The following MAMDC2 variants were observed in gnomAD, a reference collection of about 807,000 sequenced individuals.
MAMDC2 encodes MAM domain-containing protein 2.
MAMDC2 carries 57 observed loss-of-function variants against 89.8 expected under a neutral mutation model. The observed-to-expected ratio is 0.63, with a 90% CI of 0.51 to 0.79. The LOEUF (loss-of-function observed/expected upper bound fraction) is 0.79, where lower values mean the gene tolerates loss of function less well. Ranked by LOEUF, MAMDC2 falls within the 30% of genes least tolerant of loss-of-function variation. MAMDC2 has a pLI of 0.00. For synonymous variants in MAMDC2, 313 were observed against 293.4 expected, an observed-to-expected ratio of 1.07 and a Z score of -0.68; for missense variants, 800 against 820.6, an observed-to-expected ratio of 0.97 and a Z score of 0.31.
chr9:70,204,776 C>A (rs550044044), intron 11 of MAMDC2, among the ~76,000 whole-genome samples: 16 of 152,190 alleles, frequency 1.1e-4, no homozygotes, highest in African/African-American at 3.1e-4. Context: ...TTTTTTAAGC[C>A]GGTCTGAAAA....
intron 10 of MAMDC2, chr9:70,170,265 A>T (rs1285640122): frequency 1.2e-5 from 5 of 431,210 alleles, no homozygotes; most frequent in Admixed American, 4.2e-5. Flanking sequence ...AGATCTGTAT[A>T]TCTGATTGTT....
At chr9:70,073,144 A>G (rs1041244975) in intron 2 of MAMDC2, among the ~76,000 whole-genome samples, 1 of 152,216 alleles carries the variant, frequency 6.6e-6, no homozygotes, top group African/African-American at 2.4e-5. Flanking sequence ...TATTATTTCT[A>G]TTTAAGATGC....
intron 2 of MAMDC2, chr9:70,083,787 G>C (rs759167296): frequency 1.3e-5 from 2 of 150,762 alleles, no homozygotes; most frequent in Non-Finnish European, 2.9e-5. Context: ...ATGCCCTGTA[G>C]TACTTTAAGT....
chr9:70,209,978 G>C (rs1220846060), intron 11 of MAMDC2, among the ~76,000 whole-genome samples: 2 of 152,194 alleles, frequency 1.3e-5, no homozygotes, highest in Non-Finnish European at 2.9e-5. Context: ...GTTCTAGTTT[G>C]ACTGCACTGT....
chr9:70,205,672 C>G (rs183520872), intron 11 of MAMDC2, among the ~76,000 whole-genome samples: 1 of 152,130 alleles, frequency 6.6e-6, no homozygotes, highest in Non-Finnish European at 1.5e-5. Context: ...CCATTGGAAC[C>G]CCCATCTTGA....
chr9:70,218,214 A>T, intron 11 of MAMDC2, 123 bp from the exon 12 acceptor site: 1 of 1,070,572 alleles, frequency 9.3e-7, no homozygotes, highest in Non-Finnish European at 1.3e-6. Flanking sequence ...TCAAAATTAT[A>T]AAACCCTTTA....
chr9:70,090,712 A>G (rs1267085670), intron 2 of MAMDC2: 1 of 152,170 alleles, frequency 6.6e-6, no homozygotes, highest in Admixed American at 6.5e-5. Flanking sequence ...CAAAGTATAA[A>G]TGGCACATTT....
intron 7 of MAMDC2, among the ~76,000 whole-genome samples, chr9:70,134,737 C>A (rs1440741599): frequency 1.3e-5 from 2 of 152,306 alleles, no homozygotes; most frequent in East Asian, 3.9e-4. Context: ...CCTTTCTTAT[C>A]TTAAGTGCCC....
chr9:70,204,671 A>T (rs4507832), intron 11 of MAMDC2, among the ~76,000 whole-genome samples: 1 of 151,076 alleles, frequency 6.6e-6, no homozygotes, highest in African/African-American at 2.4e-5. Context: ...GGCGCCTTGC[A>T]GTTTGATCTC....
At chr9:70,097,918 G>A (rs191039367) in intron 2 of MAMDC2, among the ~76,000 whole-genome samples, 1 of 152,274 alleles carries the variant, frequency 6.6e-6, no homozygotes, top group Non-Finnish European at 1.5e-5. Flanking sequence ...GGCAAGGAGA[G>A]GGGTGAAGAG....
At chr9:70,136,286 T>A (rs760721467) in intron 7 of MAMDC2, among the ~76,000 whole-genome samples, 3 of 152,238 alleles carry the variant, frequency 2.0e-5, no homozygotes, top group Admixed American at 6.5e-5. Context: ...GTTGGAATCA[T>A]AGAGTATGTA....
rs2033084302 is a variant in MAMDC2, at chr9:70,200,729, G to C, written c.1652-17608G>C. ...TGTTTGTATCCTCTTTTATTTCCTT[G>C]AGCAGTGGTTTGTAGTTCTCCTTGA... On this transcript the variant is annotated intron_variant, in intron 11 of 13. Coordinates refer to ENST00000377182, the MANE Select transcript of MAMDC2 (RefSeq NM_153267.5). Among the ~76,000 whole-genome samples, 3 of 147,140 alleles carry C rather than the reference G, an allele frequency of 2.0e-5. No individual in the cohort carries two copies. The South Asian group carries it at 6.6e-4, about 33-fold the overall frequency.
chr9:70,140,351 C>T (rs1008282106), intron 8 of MAMDC2, 63 bp downstream of exon 8: 87 of 1,484,756 alleles, frequency 5.9e-5, no homozygotes, highest in Non-Finnish European at 1.3e-5. Context: ...TTGGCCATTC[C>T]TACTTCACAC....
At chr9:70,081,038 G>A (rs1380609061) in intron 2 of MAMDC2, among the ~76,000 whole-genome samples, 2 of 152,080 alleles carry the variant, frequency 1.3e-5, no homozygotes, top group Non-Finnish European at 2.9e-5. Flanking sequence ...ATAAATGTTT[G>A]TTGAGCCAAA....
chr9:70,121,371 G>C (rs980818694), intron 5 of MAMDC2, among the ~76,000 whole-genome samples: 5 of 152,178 alleles, frequency 3.3e-5, no homozygotes, highest in African/African-American at 4.8e-5. Context: ...GCATGACTGA[G>C]AACTGTGATC....
intron 11 of MAMDC2, among the ~76,000 whole-genome samples, chr9:70,206,390 A>G (rs907252737): frequency 6.6e-6 from 1 of 152,162 alleles, no homozygotes; most frequent in African/African-American, 2.4e-5. Flanking sequence ...GCTTGGTATT[A>G]TCTGTGGTTT....
intron 9 of MAMDC2, among the ~76,000 whole-genome samples, chr9:70,163,202 C>CCAGGGTTT (rs1375998425): frequency 3.3e-5 from 1 of 30,172 alleles, no homozygotes; most frequent in Non-Finnish European, 8.0e-5. Flanking sequence ...CCTTTTGTTT[C>CCAGGGTTT]CAGGGCTTCA....
intron 9 of MAMDC2, among the ~76,000 whole-genome samples, chr9:70,154,527 AT>A (rs10710715): frequency 0.14 from 18,482 of 135,690 alleles, 1,241 homozygotes; most frequent in African/African-American, 0.22. Flanking sequence ...ATTTGGAACA[AT>A]TTTTTTTTTT....
At chr9:70,077,189 A>G (rs1388197530) in intron 2 of MAMDC2, among the ~76,000 whole-genome samples, 3 of 152,196 alleles carry the variant, frequency 2.0e-5, no homozygotes, top group African/African-American at 7.2e-5. Flanking sequence ...CTATGTTTTC[A>G]CAGACTTTTT....
Sources: gnomAD v4.1 joint callset for allele counts (sites outside exome capture counted in the v4.1 genomes callset) on GRCh38, gnomAD v4.1.1 for gene constraint, MANE v1.5 for transcripts, NCBI Gene and HGNC (gene_info 2026-07-23, HGNC 2026-07-21) for gene names.